The following NT5E variants were observed in gnomAD, a reference collection of about 807,000 sequenced individuals.
NT5E encodes 5'-nucleotidase.
NT5E carries 53 observed loss-of-function variants against 55.1 expected under a neutral mutation model. The observed-to-expected ratio is 0.96, with a 90% confidence interval of 0.77 to 1.21. NT5E has a LOEUF of 1.21. Ranked by LOEUF, NT5E falls within the 50% of genes most tolerant of loss-of-function variation. NT5E has a pLI of 0.00. For missense variants in NT5E, 683 were observed against 724.3 expected (o/e 0.94, Z 0.65); for synonymous variants, 270 against 278.4 (o/e 0.97, Z 0.30).
intron 1 of NT5E, among the ~76,000 whole-genome samples, chr6:85,452,555 C>T (rs2127753318): frequency 6.6e-6 from 1 of 152,102 alleles, no homozygotes; most frequent in East Asian, 1.9e-4. Context: ...AAATAGGCTA[C>T]TTACGTAATG....
At chr6:85,475,964 G>A (rs1464339237) in intron 3 of NT5E, among the ~76,000 whole-genome samples, 1 of 152,094 alleles carries the variant, frequency 6.6e-6, no homozygotes, top group African/African-American at 2.4e-5. Context: ...CTTTCATTAG[G>A]CTACTGATAT....
At chr6:85,454,138 C>T (rs544543330) in intron 1 of NT5E, among the ~76,000 whole-genome samples, 8 of 152,174 alleles carry the variant, frequency 5.3e-5, no homozygotes, top group Non-Finnish European at 7.4e-5. Context: ...TTGGAGATGG[C>T]GTCTAACACC....
intron 3 of NT5E, among the ~76,000 whole-genome samples, chr6:85,482,263 G>A (rs911096103): frequency 3.9e-5 from 6 of 152,052 alleles, no homozygotes; most frequent in Admixed American, 2.0e-4. Context: ...TGGAGGCCAA[G>A]GCGAGAGGAC....
chr6:85,477,718 A>G (rs546604968), intron 3 of NT5E, among the ~76,000 whole-genome samples: 1 of 152,356 alleles, frequency 6.6e-6, no homozygotes, highest in East Asian at 1.9e-4. Context: ...TACTTACAAC[A>G]TTCACAAGAC....
chr6:85,485,129 A>G (rs1769622672), intron 3 of NT5E, 106 bp from the exon 4 acceptor site: 2 of 1,082,890 alleles, frequency 1.8e-6, no homozygotes, highest in Non-Finnish European at 2.8e-6. Context: ...AACAGATGGC[A>G]AATCATCAAT....
At chr6:85,465,349 C>G (rs953905205) in intron 1 of NT5E, among the ~76,000 whole-genome samples, 1 of 152,132 alleles carries the variant, frequency 6.6e-6, no homozygotes, top group Non-Finnish European at 1.5e-5. Flanking sequence ...ACTGTAGAAA[C>G]ATTCATTAAA....
Position 85,450,434 on chromosome 6 carries a change from GC to G in NT5E, c.297del (p.Glu100ArgfsTer6), listed in dbSNP as rs774429099. On this transcript the variant is annotated frameshift_variant, in exon 1 of 9. Transcript: ENST00000257770. LOFTEE classifies it high-confidence loss of function. This position sits in a 1 kb window ranked among gnomAD's most constrained non-coding sequence, Gnocchi z 4.0. Reference sequence around the variant, plus strand: ...TATCTGGTTCACCGTGTACAAGGGCGCCGAGGTGGCGCACTTCATGAACGCC... The same window carrying G: ...TATCTGGTTCACCGTGTACAAGGGCGCGAGGTGGCGCACTTCATGAACGCC... Reference protein sequence around the residue: ...GTIWFTVYKGAEVAHFMNALR... With the variant: ...GTIWFTVYKGXEVAHFMNALR... 3.1e-6 allele frequency: 5 copies of G among 1,602,504 alleles called. No homozygotes were observed. Among genetic ancestry groups the G allele is most frequent in the Non-Finnish European group, 3.4e-6 (4 of 1,175,694 alleles).
chr6:85,488,278 C>T (rs1247530831), intron 5 of NT5E, among the ~76,000 whole-genome samples: 1 of 152,118 alleles, frequency 6.6e-6, no homozygotes. Context: ...CAGCCTGCAC[C>T]CAGGGAAGTC....
intron 3 of NT5E, among the ~76,000 whole-genome samples, chr6:85,473,454 G>C (rs1037141163): frequency 6.6e-6 from 1 of 152,162 alleles, no homozygotes; most frequent in Non-Finnish European, 1.5e-5. Flanking sequence ...CACTGAGGCA[G>C]TGTCAGCACC....
chr6:85,466,833 A>G (rs1170794969), intron 1 of NT5E, among the ~76,000 whole-genome samples: 1 of 152,196 alleles, frequency 6.6e-6, no homozygotes, highest in African/African-American at 2.4e-5. Context: ...CCAGCTCTCC[A>G]GGTGTTGCGT....
intron 3 of NT5E, among the ~76,000 whole-genome samples, chr6:85,473,206 A>G (rs1769353574): frequency 6.6e-6 from 1 of 152,250 alleles, no homozygotes; most frequent in South Asian, 2.1e-4. Context: ...TGAAGACTCA[A>G]CAAAGTCCTT....
chr6:85,474,278 GA>G (rs1472988180), intron 3 of NT5E, among the ~76,000 whole-genome samples: 1 of 152,112 alleles, frequency 6.6e-6, no homozygotes, highest in African/African-American at 2.4e-5. Context: ...GCAAAGACAA[GA>G]AAAAATATAT....
At chr6:85,461,422 A>G (rs1410315091) in intron 1 of NT5E, among the ~76,000 whole-genome samples, 1 of 152,222 alleles carries the variant, frequency 6.6e-6, no homozygotes, top group Non-Finnish European at 1.5e-5. Flanking sequence ...TTTAGCAGGA[A>G]ATTGAACCAC....
rs75575034 is a variant in NT5E at position 85,459,296 on chromosome 6, T to C, written c.340-7764T>C. Among the ~76,000 whole-genome samples, 503 of 152,326 alleles carry C rather than the reference T, an allele frequency of 3.3e-3. 2 individuals carry two copies. Among genetic ancestry groups the C allele is most frequent in the African/African-American group, 0.011 (474 of 41,568 alleles). ...CTCTTTAGCTCTTCAATTATAGGGC[T>C]TCCTGCAACCTCAGCCCTTAACGAA... On this transcript the variant is annotated intron_variant, in intron 1 of 8. Transcript: ENST00000257770.
chr6:85,468,608 A>G (rs926794950), intron 2 of NT5E, among the ~76,000 whole-genome samples: 17 of 152,178 alleles, frequency 1.1e-4, no homozygotes, highest in Non-Finnish European at 1.3e-4. Flanking sequence ...GCAGGAAGGT[A>G]TAGGGGCCAC....
chr6:85,493,293 G>A (rs1360135347), intron 8 of NT5E, among the ~76,000 whole-genome samples: 1 of 152,210 alleles, frequency 6.6e-6, no homozygotes, highest in Non-Finnish European at 1.5e-5. Flanking sequence ...ACTGAAGAGA[G>A]AAGGGTTCTT....
At chr6:85,473,657 G>A (rs942853276) in intron 3 of NT5E, among the ~76,000 whole-genome samples, 4 of 152,136 alleles carry the variant, frequency 2.6e-5, no homozygotes, top group Admixed American at 2.0e-4. Flanking sequence ...ACACATACAA[G>A]TGAAAGAAAA....
In NT5E at chr6:85,467,269, T is replaced by G. The variant is rs1258685013; in HGVS notation, c.549T>G (p.Phe183Leu). The G allele has an allele frequency of 1.9e-6, 3 of 1,613,928 alleles. No individual in the cohort carries two copies. The highest frequency in any genetic ancestry group is 2.5e-6 in the Non-Finnish European group (3 of 1,179,816). The change falls in exon 2 of 9, where the codon TTT becomes TTG. Residue 183 changes from phenylalanine (F) to leucine (L), a missense_variant. Transcript: ENST00000257770. ...GATACACTTCCAAAGAAACCCCTTT[T>G]CTCTCAAATCCAGGTATTTTCTACT... ...IVGYTSKETP[F>L]LSNPGTNLVF...
chr6:85,485,909 C>T (rs888160758), intron 4 of NT5E, among the ~76,000 whole-genome samples: 4 of 152,138 alleles, frequency 2.6e-5, no homozygotes, highest in Admixed American at 6.5e-5. Flanking sequence ...GCCAGCAGCC[C>T]GCAATGCAAT....
Sources: gnomAD v4.1 joint callset for allele counts (sites outside exome capture counted in the v4.1 genomes callset) on GRCh38, gnomAD v4.1.1 for gene constraint, Gnocchi (gnomAD v3.1) non-coding constraint, MANE v1.5 for transcripts, NCBI Gene and HGNC (gene_info 2026-07-23, HGNC 2026-07-21) for gene names.